Variants in NRG3 observed in about 807,000 individuals in gnomAD.
NRG3 encodes pro-neuregulin-3, membrane-bound isoform.
NRG3 carries 31 observed loss-of-function variants against 66.9 expected under a neutral mutation model. That is an observed-to-expected ratio of 0.46 (90% CI 0.35 to 0.63). NRG3 has a LOEUF of 0.63. NRG3 is among the 20% of genes least tolerant of loss of function. The probability of loss-of-function intolerance (pLI) is 0.00; values close to 1 mark genes in which losing one functional copy is unlikely to be tolerated. For synonymous variants in NRG3, 393 were observed against 359.4 expected (o/e 1.09, Z -1.06); for missense variants, 910 against 878.9 (o/e 1.04, Z -0.45).
At chr10:82,479,664 C>CA (rs35572219) in intron 2 of NRG3, among the ~76,000 whole-genome samples, 1,402 of 59,220 alleles carry the variant, frequency 0.024, 51 homozygotes, top group African/African-American at 0.078. Flanking sequence ...AACTCTGTCT[C>CA]AAAAAAAAAA....
At chr10:82,420,334 T>C (rs2136230528) in intron 2 of NRG3, among the ~76,000 whole-genome samples, 1 of 152,304 alleles carries the variant, frequency 6.6e-6, no homozygotes, top group East Asian at 1.9e-4. Flanking sequence ...GATTTCACAC[T>C]AAACTGTAGT....
intron 2 of NRG3, among the ~76,000 whole-genome samples, chr10:82,457,785 T>C (rs1223139135): frequency 6.6e-6 from 1 of 152,212 alleles, no homozygotes; most frequent in African/African-American, 2.4e-5. Context: ...AGGTTACCGC[T>C]GCCTTGTGGA....
chr10:82,178,359 T>G (rs2073182287), intron 1 of NRG3, among the ~76,000 whole-genome samples: 1 of 152,098 alleles, frequency 6.6e-6, no homozygotes, highest in South Asian at 2.1e-4. Context: ...ATACTTTATA[T>G]CTATTGAAAA....
At chr10:82,726,099 C>T (rs2057582069) in intron 2 of NRG3, among the ~76,000 whole-genome samples, 1 of 152,120 alleles carries the variant, frequency 6.6e-6, no homozygotes, top group African/African-American at 2.4e-5. Context: ...AGGAGAGAGC[C>T]CTCATCAAAA....
At chr10:82,161,381 A>G (rs2071584941) in intron 1 of NRG3, among the ~76,000 whole-genome samples, 1 of 152,144 alleles carries the variant, frequency 6.6e-6, no homozygotes, top group African/African-American at 2.4e-5. Flanking sequence ...TTTAAGGAGC[A>G]TGAAATCTTG....
At chr10:82,940,068 A>G (rs939834257) in intron 4 of NRG3, among the ~76,000 whole-genome samples, 6 of 152,158 alleles carry the variant, frequency 3.9e-5, no homozygotes, top group Admixed American at 2.6e-4. Flanking sequence ...AGAAATGGGT[A>G]TGTGCATTTT....
intron 2 of NRG3, among the ~76,000 whole-genome samples, chr10:82,612,875 T>C (rs542893792): frequency 7.2e-5 from 11 of 152,210 alleles, no homozygotes; most frequent in Non-Finnish European, 1.6e-4. Flanking sequence ...AAGCCACTGC[T>C]TAGCATGGCT....
At chr10:82,219,259 T>C (rs1332058172) in intron 1 of NRG3, among the ~76,000 whole-genome samples, 1 of 147,432 alleles carries the variant, frequency 6.8e-6, no homozygotes, top group Non-Finnish European at 1.5e-5. Context: ...GCAGCTTCTC[T>C]AGCCTCTACA....
chr10:81,903,530 T>A (rs1371865490), intron 1 of NRG3, among the ~76,000 whole-genome samples: 2 of 152,252 alleles, frequency 1.3e-5, no homozygotes, highest in Non-Finnish European at 2.9e-5. Flanking sequence ...AGCCAAATTG[T>A]TGCCTCTGGT....
chr10:82,728,055 C>T (rs1169096097), intron 2 of NRG3, among the ~76,000 whole-genome samples: 3 of 152,132 alleles, frequency 2.0e-5, no homozygotes, highest in Middle Eastern at 3.2e-3. Flanking sequence ...GCCTGTGCCC[C>T]CAGTGTATCT....
intron 2 of NRG3, among the ~76,000 whole-genome samples, chr10:82,380,238 A>G (rs1429935656): frequency 6.6e-6 from 1 of 150,522 alleles, no homozygotes; most frequent in Non-Finnish European, 1.5e-5. Flanking sequence ...CACTATTTCT[A>G]ACTATTTTTC....
chr10:82,640,618 T>G (rs1324396001), intron 2 of NRG3, among the ~76,000 whole-genome samples: 1 of 152,158 alleles, frequency 6.6e-6, no homozygotes, highest in African/African-American at 2.4e-5. Context: ...TGAAGATGGA[T>G]GTATTAAGTA....
At chr10:82,481,040 G>A (rs930042446) in intron 2 of NRG3, among the ~76,000 whole-genome samples, 12 of 152,084 alleles carry the variant, frequency 7.9e-5, no homozygotes, top group Non-Finnish European at 1.5e-4. Flanking sequence ...GGGATTTACT[G>A]TAAACCCTTT....
rs143339587 is a variant in NRG3 at position 82,932,104 on chromosome 10, CA to C, written c.1055-19363del. Among the ~76,000 whole-genome samples, 757 of 152,274 alleles carry C rather than the reference CA, an allele frequency of 5.0e-3. 8 individuals are homozygous for C. The highest frequency in any genetic ancestry group is 0.018 in the African/African-American group (739 of 41,560). On this transcript the variant is annotated intron_variant, in intron 4 of 8. Coordinates refer to ENST00000372141, the MANE Select transcript of NRG3 (RefSeq NM_001010848.4). Reference sequence around the variant, plus strand: ...CCCCAAATCTTCTGCAGCAGCACTCCAAGTTCCATCTCCTTCTCTCCATTCC... The same window carrying C: ...CCCCAAATCTTCTGCAGCAGCACTCCAGTTCCATCTCCTTCTCTCCATTCC...
intron 1 of NRG3, among the ~76,000 whole-genome samples, chr10:82,156,324 C>G (rs747886023): frequency 1.3e-5 from 2 of 151,172 alleles, no homozygotes; most frequent in African/African-American, 4.9e-5. Flanking sequence ...GAATTTCAGT[C>G]TCAGCTTTGC....
intron 4 of NRG3, among the ~76,000 whole-genome samples, chr10:82,937,791 T>C (rs991120662): frequency 2.0e-5 from 3 of 152,282 alleles, no homozygotes; most frequent in Admixed American, 2.0e-4. Context: ...TACAGTCTAT[T>C]TGGGCATATT....
chr10:82,187,600 A>AT (rs964243629), intron 1 of NRG3, among the ~76,000 whole-genome samples: 17 of 151,912 alleles, frequency 1.1e-4, no homozygotes, highest in Non-Finnish European at 1.5e-4. Context: ...AGATACTGTG[A>AT]TTTTTTTTGC....
chr10:82,328,628 C>G (rs1169692653), intron 1 of NRG3, among the ~76,000 whole-genome samples: 3 of 152,162 alleles, frequency 2.0e-5, no homozygotes, highest in African/African-American at 7.2e-5. Flanking sequence ...GTTAACCTCA[C>G]CATAGTCAGG....
Position 82,757,038 on chromosome 10 carries a change from T to C in NRG3, c.1027+18388T>C, listed in dbSNP as rs2059107660. ...CCAAAACAAAACAAAACTGTTTTCC[T>C]CTCTTCCTAAACAGAAACAATGGCA... On this transcript the variant is annotated intron_variant, in intron 3 of 8. Coordinates refer to ENST00000372141, the MANE Select transcript of NRG3 (RefSeq NM_001010848.4). Among the ~76,000 whole-genome samples the C allele has an allele frequency of 1.3e-5, 2 of 152,066 alleles. 1 individual carries two copies. The highest frequency in any genetic ancestry group is 4.1e-4 in the South Asian group (2 of 4,824).
Sources: gnomAD v4.1 joint callset for allele counts (sites outside exome capture counted in the v4.1 genomes callset) on GRCh38, gnomAD v4.1.1 for gene constraint, MANE v1.5 for transcripts, NCBI Gene and HGNC (gene_info 2026-07-23, HGNC 2026-07-21) for gene names.